GRIK2: variants seen among roughly 807,000 people sequenced by gnomAD.
The protein encoded by GRIK2 is glutamate ionotropic receptor kainate type subunit 2.
A neutral mutation model predicts 100.3 loss-of-function variants in GRIK2; 32 were observed. That is an observed-to-expected ratio of 0.32 (90% CI 0.24 to 0.43). GRIK2 has a LOEUF of 0.43. Ranked by LOEUF, GRIK2 falls within the 20% of genes least tolerant of loss-of-function variation. The pLI, the probability that GRIK2 is intolerant of heterozygous loss-of-function variation, is 1.00. For missense variants in GRIK2, 843 were observed against 1,114.9 expected, an observed-to-expected ratio of 0.76 and a Z score of 3.47; for synonymous variants, 417 against 389.4, an observed-to-expected ratio of 1.07 and a Z score of -0.83.
chr6:101,396,808 T>C (rs1775028838), intron 1 of GRIK2, among the ~76,000 whole-genome samples: 1 of 152,216 alleles, frequency 6.6e-6, no homozygotes, highest in Admixed American at 6.5e-5. Flanking sequence ...ACAGGTGGAA[T>C]TGCTGTCTGT....
intron 2 of GRIK2, among the ~76,000 whole-genome samples, chr6:101,467,887 A>ATT (rs71028070): frequency 0.17 from 24,241 of 141,750 alleles, 2,052 homozygotes; most frequent in African/African-American, 0.18. Flanking sequence ...GTCCTTCCTT[A>ATT]TTTTTTTTTT....
At chr6:101,547,121 G>A (rs1232214814) in intron 2 of GRIK2, among the ~76,000 whole-genome samples, 4 of 151,970 alleles carry the variant, frequency 2.6e-5, no homozygotes, top group East Asian at 1.9e-4. Flanking sequence ...GTGAGCCACC[G>A]CGCCCGGCCG....
At chr6:102,011,196 TACTAATG>T (rs1433764972) in intron 14 of GRIK2, among the ~76,000 whole-genome samples, 15 of 152,194 alleles carry the variant, frequency 9.9e-5, no homozygotes, top group African/African-American at 3.6e-4. Context: ...TCCAGATTCT[TACTAATG>T]TTAGATGTTG....
intron 2 of GRIK2, among the ~76,000 whole-genome samples, chr6:101,523,194 C>T (rs370255337): frequency 4.6e-5 from 7 of 152,110 alleles, no homozygotes; most frequent in African/African-American, 1.7e-4. Flanking sequence ...GAGAAAACTT[C>T]GACTTTTGGC....
chr6:101,971,088 GA>G lies in GRIK2; in HGVS notation c.2085+42461del, dbSNP rs767708234. Among the ~76,000 whole-genome samples the G allele has an allele frequency of 2.7e-5, 4 of 150,582 alleles. 1 individual carries two copies. The highest frequency in any genetic ancestry group is 5.0e-5 in the African/African-American group (2 of 40,188). Reference sequence around the variant, plus strand: ...TTGGAGTTTGTACTTCTAAATTTTAGAAAAAGTTGTGAATTTTGAAATTTTT... The same window carrying G: ...TTGGAGTTTGTACTTCTAAATTTTAGAAAAGTTGTGAATTTTGAAATTTTT... On this transcript the variant is annotated intron_variant, in intron 14 of 16. Transcript: ENST00000369134.
chr6:101,849,650 C>A (rs903002595), intron 10 of GRIK2, among the ~76,000 whole-genome samples: 2 of 151,852 alleles, frequency 1.3e-5, no homozygotes, highest in Admixed American at 1.3e-4. Context: ...AGAGACTGAA[C>A]ACACTGCTCA....
At chr6:102,006,390 ATTT>A (rs34620995) in intron 14 of GRIK2, among the ~76,000 whole-genome samples, 1 of 114,100 alleles carries the variant, frequency 8.8e-6, no homozygotes, top group Non-Finnish European at 1.6e-5. Flanking sequence ...ATATATATAT[ATTT>A]TTTTTTTTTT....
intron 7 of GRIK2, among the ~76,000 whole-genome samples, chr6:101,755,457 G>A (rs1173152664): frequency 1.3e-5 from 2 of 152,130 alleles, no homozygotes; most frequent in Admixed American, 6.5e-5. Flanking sequence ...ATGAGCCACC[G>A]TGCCCGGCCG....
At chr6:101,878,088 T>C (rs1462394970) in intron 11 of GRIK2, among the ~76,000 whole-genome samples, 9 of 124,196 alleles carry the variant, frequency 7.2e-5, no homozygotes, top group African/African-American at 3.0e-4. Context: ...TATTATATTA[T>C]ATTATATTAT....
chr6:101,968,747 G>A (rs1426268138), intron 14 of GRIK2, among the ~76,000 whole-genome samples: 45 of 133,416 alleles, frequency 3.4e-4, no homozygotes, highest in Non-Finnish European at 8.6e-5. Context: ...TCAAAAATGT[G>A]TGTTCTCTGA....
At chr6:101,731,163 A>C (rs888205587) in intron 7 of GRIK2, among the ~76,000 whole-genome samples, 11 of 152,056 alleles carry the variant, frequency 7.2e-5, no homozygotes, top group African/African-American at 2.7e-4. Context: ...GAATACATTT[A>C]AACTGAAAGT....
intron 2 of GRIK2, among the ~76,000 whole-genome samples, chr6:101,514,599 A>G (rs1485090256): frequency 2.6e-5 from 4 of 152,268 alleles, no homozygotes; most frequent in East Asian, 1.9e-4. Flanking sequence ...GAATATCCCA[A>G]TCTAAACTAT....
At chr6:101,425,519 C>T (rs369120949) in intron 2 of GRIK2, among the ~76,000 whole-genome samples, 4 of 152,064 alleles carry the variant, frequency 2.6e-5, no homozygotes, top group African/African-American at 9.7e-5. Flanking sequence ...TATTCCATTT[C>T]GTGTTTTTCC....
In GRIK2 at chr6:102,004,003, A is replaced by G. The variant is rs1489385357; in HGVS notation, c.2086-31338A>G. On this transcript the variant is annotated intron_variant, in intron 14 of 16. Coordinates refer to ENST00000369134, the MANE Select transcript of GRIK2 (RefSeq NM_021956.5). ...TTATTAATTCCATCTATGTTTCTGT[A>G]GATTTGTATTCATGTAAGCTTTCTT... Among the ~76,000 whole-genome samples the G allele has an allele frequency of 2.0e-5, 3 of 150,664 alleles. No individual in the cohort carries two copies. In the East Asian group the frequency reaches 5.8e-4, roughly 29 times the overall value.
At chr6:101,831,901 A>T (rs1050831134) in intron 10 of GRIK2, among the ~76,000 whole-genome samples, 2 of 152,130 alleles carry the variant, frequency 1.3e-5, no homozygotes, top group Non-Finnish European at 2.9e-5. Context: ...TTTAACTGAG[A>T]ACAAAATAAC....
chr6:101,549,984 A>G (rs941902031), intron 2 of GRIK2, among the ~76,000 whole-genome samples: 2 of 152,210 alleles, frequency 1.3e-5, no homozygotes, highest in African/African-American at 2.4e-5. Flanking sequence ...GCTCTTAACC[A>G]TCACACCACC....
intron 4 of GRIK2, among the ~76,000 whole-genome samples, chr6:101,628,793 AG>A (rs1780576248): frequency 6.6e-6 from 1 of 152,162 alleles, no homozygotes; most frequent in African/African-American, 2.4e-5. Flanking sequence ...GCATGCACAC[AG>A]GTATGTACAT....
At position 102,041,863 on chromosome 6, in the gene GRIK2, A is replaced by G. The variant is rs1022991043; in HGVS notation, c.2311+6297A>G. ...TTGAAAGAATATGTTAGTGGTCTCT[A>G]TTTATACATTTTTAGAACTGTCTTG... On this transcript the variant is annotated intron_variant, in intron 15 of 16. Coordinates refer to ENST00000369134, the MANE Select transcript of GRIK2 (RefSeq NM_021956.5). 7.9e-5 allele frequency among the ~76,000 whole-genome samples: 12 copies of G among 151,766 alleles called. 1 individual carries two copies. The South Asian group carries it at 2.1e-3, about 26-fold the overall frequency.
chr6:101,855,419 A>C (rs1409454071), intron 10 of GRIK2, among the ~76,000 whole-genome samples: 1 of 152,172 alleles, frequency 6.6e-6, no homozygotes, highest in Non-Finnish European at 1.5e-5. Context: ...ACCTTAGAGG[A>C]AAGAGGTAAC....
Sources: allele counts gnomAD v4.1 joint callset (sites outside exome capture counted in the v4.1 genomes callset), GRCh38; gene constraint gnomAD v4.1.1; transcripts MANE v1.5; gene names NCBI Gene and HGNC (gene_info 2026-07-23, HGNC 2026-07-21).